CCDC146: variants seen among roughly 807,000 people sequenced by gnomAD.
The protein encoded by CCDC146 is coiled-coil domain containing 146.
CCDC146 carries 92 observed loss-of-function variants against 119.3 expected under a neutral mutation model. The ratio of observed to expected loss-of-function variants is 0.77; its 90% CI spans 0.65 to 0.92. CCDC146 has a LOEUF of 0.92. Among genes scored for constraint, CCDC146 ranks in the 40% least tolerant of loss-of-function variants. The pLI is 0.00. For synonymous variants in CCDC146, 372 were observed against 371.8 expected, an observed-to-expected ratio of 1.00 and a Z score of -0.01; for missense variants, 1,000 against 1,103.0, an observed-to-expected ratio of 0.91 and a Z score of 1.32.
chr7:77,213,089 T>TGTG (rs953828980), intron 2 of CCDC146, among the ~76,000 whole-genome samples: 2 of 151,886 alleles, frequency 1.3e-5, no homozygotes, highest in African/African-American at 2.4e-5. Flanking sequence ...TGGCTTTTTG[T>TGTG]GTGGTGGTGG....
chr7:77,256,375 G>T lies in CCDC146; in HGVS notation c.550G>T (p.Glu184Ter), dbSNP rs1160008810. ...GAAAATATTGAGAGAAAGCACTGAA[G>T]AATTACGTAAAGAAATAATGCAGAA... is the stretch of plus-strand genomic sequence containing the variant. Reference protein sequence around the residue: ...KMKILRESTEELRKEIMQKKL... With the variant: ...KMKILRESTE Residue 184 changes from glutamate to a stop codon, truncating the protein, a stop_gained, in exon 6 of 19, where the codon GAA (glutamate) becomes TAA (stop). Coordinates refer to ENST00000285871, the MANE Select transcript of CCDC146 (RefSeq NM_020879.3). LOFTEE classifies it high-confidence loss of function. The T allele has an allele frequency of 5.0e-6, 8 of 1,601,626 alleles. No homozygotes were observed. The highest frequency in any genetic ancestry group is 4.1e-5 in the African/African-American group (3 of 73,974).
chr7:77,225,386 A>G (rs1792489353), intron 2 of CCDC146, among the ~76,000 whole-genome samples: 1 of 151,860 alleles, frequency 6.6e-6, no homozygotes, highest in Non-Finnish European at 1.5e-5. Context: ...CCATCTCTAC[A>G]AAACATTTTA....
rs1584041525 is a variant in CCDC146, at chr7:77,173,449, C to T, written c.156+5625C>T. Reference sequence around the variant, plus strand: ...TTCCAGACCAGCCTGGCCAACATGGCGAAACCCCGTCTCTACTAAAAATAC... The same window carrying T: ...TTCCAGACCAGCCTGGCCAACATGGTGAAACCCCGTCTCTACTAAAAATAC... On this transcript the variant is annotated intron_variant, in intron 2 of 18. Transcript: ENST00000285871. Among the ~76,000 whole-genome samples the T allele has an allele frequency of 7.2e-5, 11 of 151,924 alleles. No individual in the cohort carries two copies. The South Asian group carries it at 2.3e-3, about 32-fold the overall frequency.
intron 2 of CCDC146, among the ~76,000 whole-genome samples, chr7:77,168,491 T>G (rs910898432): frequency 6.6e-6 from 1 of 152,022 alleles, no homozygotes; most frequent in Non-Finnish European, 1.5e-5. Flanking sequence ...TAAAACATTC[T>G]AAGAAATTTG....
intron 9 of CCDC146, among the ~76,000 whole-genome samples, chr7:77,267,012 G>T (rs34518312): frequency 0.12 from 16,498 of 140,054 alleles, 1,206 homozygotes; most frequent in Middle Eastern, 0.18. Flanking sequence ...TTTTTTTTGA[G>T]ACAGAGTCTC....
chr7:77,124,412 A>T (rs529264822), intron 1 of CCDC146, among the ~76,000 whole-genome samples: 1 of 152,234 alleles, frequency 6.6e-6, no homozygotes, highest in Non-Finnish European at 1.5e-5. Context: ...ATATGACATT[A>T]TAATTGTCAA....
chr7:77,171,153 G>T (rs952271337), intron 2 of CCDC146, among the ~76,000 whole-genome samples: 3 of 152,152 alleles, frequency 2.0e-5, no homozygotes, highest in African/African-American at 7.2e-5. Flanking sequence ...TACCAAAGAC[G>T]TTGACTCAAC....
Position 77,294,927 on chromosome 7 carries a change from C to A in CCDC146, c.*61C>A. ...CTTCAACCAGGCTTCCTTGTACCCA[C>A]AGGTGAAAAATGTGAGCATAATACT... is the stretch of plus-strand genomic sequence containing the variant. On this transcript the variant is annotated 3_prime_UTR_variant, in exon 19 of 19. Coordinates refer to ENST00000285871, the MANE Select transcript of CCDC146 (RefSeq NM_020879.3). 1 of 1,384,042 alleles carries A rather than the reference C, an allele frequency of 7.2e-7. No individual in the cohort carries two copies. The highest frequency in any genetic ancestry group is 1.0e-6 in the Non-Finnish European group (1 of 997,590). The allele number at this position is 1,384,042 out of a possible 1,614,324, so 85.7% of individuals were successfully genotyped here. A position where few individuals can be genotyped will look rare whatever the true frequency, so the allele number is the denominator to read the frequency against.
chr7:77,255,688 C>T (rs114169855), intron 5 of CCDC146, among the ~76,000 whole-genome samples: 1,619 of 152,222 alleles, frequency 0.011, 33 homozygotes, highest in African/African-American at 0.036. Flanking sequence ...GTAAGAGTAA[C>T]GTGTAGACCT....
intron 11 of CCDC146, 124 bp from the exon 12 acceptor site, chr7:77,278,628 A>T (rs1242684635): frequency 3.0e-6 from 2 of 657,972 alleles, no homozygotes; most frequent in Non-Finnish European, 5.2e-6. Flanking sequence ...TTATTTTTGT[A>T]GAGATGAGGT....
chr7:77,215,618 C>G (rs1792288379), intron 2 of CCDC146, among the ~76,000 whole-genome samples: 1 of 152,060 alleles, frequency 6.6e-6, no homozygotes, highest in Non-Finnish European at 1.5e-5. Flanking sequence ...AATTCAAAGT[C>G]AATAATTACA....
chr7:77,133,170 CA>C (rs1042312361), intron 1 of CCDC146, among the ~76,000 whole-genome samples: 50 of 143,942 alleles, frequency 3.5e-4, no homozygotes, highest in East Asian at 1.8e-3. Context: ...GACTCCATCT[CA>C]AAAAAAAAAA....
chr7:77,282,563 T>C lies in CCDC146; in HGVS notation c.1926T>C (p.Val642=), dbSNP rs1028387987. The C allele has an allele frequency of 1.2e-6, 2 of 1,602,676 alleles. No homozygotes were observed. Among genetic ancestry groups the C allele is most frequent in the African/African-American group, 2.7e-5 (2 of 74,380 alleles). The change falls in exon 15 of 19, where the codon GTT becomes GTC. Residue 642 remains valine (V), a synonymous_variant. Transcript: ENST00000285871. ...KAVQHRNESG[V]QLIEREEEIC... The stretch of plus-strand genomic sequence containing the variant: ...CCTCTGAATTTGACCATAGTGGCGT[T>C]CAGCTGATAGAGCGGGAAGAAGAAA...
At chr7:77,132,284 A>G (rs1361795674) in intron 1 of CCDC146, among the ~76,000 whole-genome samples, 1 of 152,150 alleles carries the variant, frequency 6.6e-6, no homozygotes, top group Admixed American at 6.5e-5. Context: ...AAAGAACTAG[A>G]AAACAATCCC....
chr7:77,256,517 A>C lies in CCDC146; in HGVS notation c.684+8A>C. ...CATCAGGTCGTCCTAAAGGTGTGCT[A>C]CTTACCGTTGATATTTAAACATTGT... On this transcript the variant is annotated splice_region_variant and intron_variant, in intron 6 of 18. Coordinates refer to ENST00000285871, the MANE Select transcript of CCDC146 (RefSeq NM_020879.3). 6.3e-7 allele frequency: 1 copy of C among 1,591,702 alleles called. No individual in the cohort carries two copies. Among genetic ancestry groups the C allele is most frequent in the Non-Finnish European group, 8.5e-7 (1 of 1,173,006 alleles).
At chr7:77,139,980 C>T (rs1406233637) in intron 1 of CCDC146, among the ~76,000 whole-genome samples, 1 of 151,554 alleles carries the variant, frequency 6.6e-6, no homozygotes, top group Admixed American at 6.6e-5. Context: ...CTGCAACCTC[C>T]GCCTCCTGGG....
Position 77,282,763 on chromosome 7 carries a change from A to T in CCDC146, c.2126A>T (p.Asp709Val). 1 of 1,613,932 alleles carries T rather than the reference A, an allele frequency of 6.2e-7. No individual in the cohort carries two copies. The highest frequency in any genetic ancestry group is 1.7e-5 in the Admixed American group (1 of 59,994). The change falls in exon 15 of 19, where the codon GAC (aspartate) becomes GTC (valine). Residue 709 changes from aspartate (D) to valine (V), a missense_variant. Physicochemically the swap from Asp to Val is radical, Grantham distance 152 (BLOSUM62 -3). Transcript: ENST00000285871. ...CCAGCCAAGAGGTCCCTGGATGCCG[A>T]CCTAGCTGTGCTCCAAATTCAGGTG... ...LLPAKRSLDA[D>V]LAVLQIQFSQ...
intron 2 of CCDC146, among the ~76,000 whole-genome samples, chr7:77,202,120 A>T (rs1792002645): frequency 6.6e-6 from 1 of 152,256 alleles, no homozygotes; most frequent in Admixed American, 6.5e-5. Flanking sequence ...TCATTCATTT[A>T]TTCCTCATAC....
intron 1 of CCDC146, among the ~76,000 whole-genome samples, chr7:77,135,637 G>A (rs2117404899): frequency 6.6e-6 from 1 of 152,188 alleles, no homozygotes; most frequent in East Asian, 1.9e-4. Context: ...GTTTCTAAGA[G>A]CCTGTCAACA....
Sources: allele counts gnomAD v4.1 joint callset (sites outside exome capture counted in the v4.1 genomes callset), GRCh38; gene constraint gnomAD v4.1.1; transcripts MANE v1.5; gene names NCBI Gene and HGNC (gene_info 2026-07-23, HGNC 2026-07-21).